The following DLG2 variants were observed in gnomAD, a reference collection of about 807,000 sequenced individuals.
The protein encoded by DLG2 is discs large MAGUK scaffold protein 2, also known as disks large homolog 2.
DLG2 carries 45 observed loss-of-function variants against 132.5 expected under a neutral mutation model. The observed-to-expected ratio is 0.34, with a 90% CI of 0.27 to 0.44. The LOEUF is 0.44. DLG2 is among the 20% of genes least tolerant of loss of function. The pLI is 1.00. For missense variants in DLG2, 1,045 were observed against 1,196.9 expected, an observed-to-expected ratio of 0.87 and a Z score of 1.87; for synonymous variants, 424 against 419.6, an observed-to-expected ratio of 1.01 and a Z score of -0.13.
At chr11:84,026,605 CTTATAG>C (rs140859589) in intron 11 of DLG2, among the ~76,000 whole-genome samples, 61,237 of 151,424 alleles carry the variant, frequency 0.4, 14,027 homozygotes, top group Middle Eastern at 0.56. Flanking sequence ...CAGTTCCACA[CTTATAG>C]TTATATATCT....
At chr11:85,029,243 G>C (rs757079352) in intron 6 of DLG2, among the ~76,000 whole-genome samples, 4 of 150,654 alleles carry the variant, frequency 2.7e-5, no homozygotes, top group Non-Finnish European at 5.9e-5. Flanking sequence ...CCACATAGAT[G>C]AAACAACGTA....
intron 6 of DLG2, among the ~76,000 whole-genome samples, chr11:84,746,848 T>C (rs1391548658): frequency 6.6e-6 from 1 of 152,124 alleles, no homozygotes; most frequent in Non-Finnish European, 1.5e-5. Flanking sequence ...GGATGGTGTA[T>C]CCTCAGGAAG....
At chr11:84,772,006 T>C (rs894472907) in intron 6 of DLG2, among the ~76,000 whole-genome samples, 3 of 152,094 alleles carry the variant, frequency 2.0e-5, no homozygotes, top group African/African-American at 7.2e-5. Flanking sequence ...TCTGCAGTCT[T>C]GAAGGGCATC....
At chr11:84,616,301 A>G (rs1188078258) in intron 6 of DLG2, among the ~76,000 whole-genome samples, 2 of 152,114 alleles carry the variant, frequency 1.3e-5, no homozygotes, top group Non-Finnish European at 2.9e-5. Flanking sequence ...AATAAACTAT[A>G]AAGTTTGTGG....
intron 6 of DLG2, among the ~76,000 whole-genome samples, chr11:84,998,334 T>A (rs2057875060): frequency 6.6e-6 from 1 of 152,092 alleles, no homozygotes; most frequent in African/African-American, 2.4e-5. Flanking sequence ...GATGATCTTA[T>A]AAGCATCCGA....
intron 18 of DLG2, among the ~76,000 whole-genome samples, chr11:83,749,140 T>C (rs950117666): frequency 1.3e-5 from 2 of 152,128 alleles, no homozygotes; most frequent in Non-Finnish European, 1.5e-5. Flanking sequence ...AGGTACCACA[T>C]TGGAATTCTA....
intron 8 of DLG2, among the ~76,000 whole-genome samples, chr11:84,242,993 T>TTCTCTCTCTCTCTCTCTC (rs145284405): frequency 0.021 from 2,640 of 124,726 alleles, 36 homozygotes; most frequent in Admixed American, 0.054. Context: ...ATTAATTAGG[T>TTCTCTCTCTCTCTCTCTC]TCTCTCTCTC....
At chr11:83,592,488 C>G (rs1234161212) in intron 19 of DLG2, among the ~76,000 whole-genome samples, 1 of 151,634 alleles carries the variant, frequency 6.6e-6, no homozygotes, top group Non-Finnish European at 1.5e-5. Context: ...ACACAAAAAT[C>G]AATTCAAGAT....
chr11:84,366,993 C>T (rs985022493), intron 7 of DLG2, among the ~76,000 whole-genome samples: 1 of 152,128 alleles, frequency 6.6e-6, no homozygotes, highest in Admixed American at 6.6e-5. Flanking sequence ...CTCTCCACCC[C>T]AGATCAACAG....
At chr11:83,659,353 G>A (rs7125165) in intron 18 of DLG2, among the ~76,000 whole-genome samples, 53,954 of 151,934 alleles carry the variant, frequency 0.36, 10,382 homozygotes, top group African/African-American at 0.5. Context: ...ACCACACCCA[G>A]ACCAGAGCAT....
chr11:83,770,024 C>T lies in DLG2; in HGVS notation c.1825+16666G>A, dbSNP rs1401544298. ...TTCTCTCTTAACACTGGCAATAACC[C>T]GTCCACATGACTGTTGCCTTTTAAA... On this transcript the variant is annotated intron_variant, in intron 18 of 27. Coordinates refer to ENST00000376104, the MANE Select transcript of DLG2 (RefSeq NM_001142699.3). 4.6e-5 allele frequency among the ~76,000 whole-genome samples: 7 copies of T among 152,268 alleles called. 1 individual carries two copies. The highest frequency in any genetic ancestry group is 1.4e-4 in the African/African-American group (6 of 41,550).
rs1257871664 is a variant in DLG2 at position 84,810,361 on chromosome 11, A to G, written c.358-275630T>C. Among the ~76,000 whole-genome samples the G allele has an allele frequency of 5.3e-5, 8 of 152,272 alleles. 1 individual carries two copies. In the East Asian group the frequency reaches 1.2e-3, roughly 22 times the overall value. ...ACATAAGCATGTGAAAAGATGTTCAATATCTTCTACCTGATTTCAAGACAC... is the reference window on the plus strand; with the variant it reads ...ACATAAGCATGTGAAAAGATGTTCAGTATCTTCTACCTGATTTCAAGACAC... On this transcript the variant is annotated intron_variant, in intron 6 of 27. Transcript: ENST00000376104.
At chr11:85,399,754 T>A (rs1037649798) in intron 3 of DLG2, among the ~76,000 whole-genome samples, 7 of 152,268 alleles carry the variant, frequency 4.6e-5, no homozygotes, top group African/African-American at 1.7e-4. Context: ...CTGGATCCCC[T>A]CCTTACACCT....
At chr11:85,596,431 T>C (rs2079767201) in intron 3 of DLG2, among the ~76,000 whole-genome samples, 1 of 152,138 alleles carries the variant, frequency 6.6e-6, no homozygotes. Context: ...GATTTTCATC[T>C]GTAGAGAGAG....
chr11:83,845,728 G>A (rs2058487274), intron 16 of DLG2, among the ~76,000 whole-genome samples: 1 of 152,204 alleles, frequency 6.6e-6, no homozygotes, highest in Admixed American at 6.5e-5. Context: ...GATGGTATGG[G>A]ATACTGTGAT....
In DLG2 at chr11:83,787,340, T is replaced by TTTTTTTTTTG. The variant is rs66699053; in HGVS notation, c.1723-549_1723-548insCAAAAAAAAA. On this transcript the variant is annotated intron_variant, in intron 17 of 27. Transcript: ENST00000376104. The stretch of plus-strand genomic sequence containing the variant: ...TTTTTTTTGTTTTTTTTTTTTTTTT[T>TTTTTTTTTTG]AGACAGAGTCTCGCTCTTTCGCCCA... Among the ~76,000 whole-genome samples the TTTTTTTTTTG allele has an allele frequency of 3.6e-3, 365 of 102,684 alleles. 93 individuals carry two copies. Among genetic ancestry groups the TTTTTTTTTTG allele is most frequent in the African/African-American group, 6.0e-3 (144 of 23,872 alleles). 67.4% of individuals were successfully genotyped at this position (102,684 alleles called of 152,430 possible). A position where few individuals can be genotyped will look rare whatever the true frequency, so the allele number is the denominator to read the frequency against.
intron 15 of DLG2, among the ~76,000 whole-genome samples, chr11:83,908,065 T>C (rs557930520): frequency 6.6e-6 from 1 of 152,306 alleles, no homozygotes; most frequent in African/African-American, 2.4e-5. Context: ...ACCTGCAACA[T>C]TGGCATCTCC....
chr11:83,796,681 A>G (rs565761423), intron 17 of DLG2, among the ~76,000 whole-genome samples: 6 of 152,300 alleles, frequency 3.9e-5, no homozygotes, highest in African/African-American at 1.2e-4. Flanking sequence ...TGCTTACCCT[A>G]TGGTTCACTG....
chr11:83,650,269 T>C (rs922282500), intron 18 of DLG2, among the ~76,000 whole-genome samples: 4 of 152,120 alleles, frequency 2.6e-5, no homozygotes, highest in Non-Finnish European at 5.9e-5. Context: ...TTTTCCTGGA[T>C]TATATGAATG....
Sources: gnomAD v4.1 joint callset for allele counts (sites outside exome capture counted in the v4.1 genomes callset) on GRCh38, gnomAD v4.1.1 for gene constraint, MANE v1.5 for transcripts, NCBI Gene and HGNC (gene_info 2026-07-23, HGNC 2026-07-21) for gene names.